The following KSR1 variants were observed in gnomAD, a reference collection of about 807,000 sequenced individuals.
KSR1 encodes kinase suppressor of ras.
KSR1 carries 35 observed loss-of-function variants against 92.9 expected under a neutral mutation model. The observed-to-expected ratio is 0.38, with a 90% confidence interval of 0.29 to 0.50. The LOEUF (loss-of-function observed/expected upper bound fraction) is 0.50. Among genes scored for constraint, KSR1 ranks in the 20% least tolerant of loss-of-function variants. KSR1 has a pLI of 0.94. For synonymous variants in KSR1, 467 were observed against 472.6 expected (o/e 0.99, Z 0.15); for missense variants, 972 against 1,158.5 (o/e 0.84, Z 2.34).
chr17:27,608,131 T>C, intron 15 of KSR1, 121 bp downstream of exon 15: 2 of 670,220 alleles, frequency 3.0e-6, no homozygotes, highest in Non-Finnish European at 5.4e-6. Flanking sequence ...TCCTTCTAGC[T>C]CAGGCTCCTC....
chr17:27,613,560 G>C (rs1413785152), intron 18 of KSR1, among the ~76,000 whole-genome samples: 7 of 152,162 alleles, frequency 4.6e-5, no homozygotes, highest in Non-Finnish European at 8.8e-5. Context: ...AGTGCATGTG[G>C]GTCTCCAGTC....
At chr17:27,600,301 G>A (rs2073509143) in intron 10 of KSR1, among the ~76,000 whole-genome samples, 1 of 151,998 alleles carries the variant, frequency 6.6e-6, no homozygotes, top group South Asian at 2.1e-4. Flanking sequence ...CAGGCATGGT[G>A]GTGGGCTGGG....
chr17:27,576,766 A>C (rs946553836), intron 2 of KSR1, among the ~76,000 whole-genome samples: 2 of 152,224 alleles, frequency 1.3e-5, no homozygotes, highest in African/African-American at 2.4e-5. Flanking sequence ...TTTTCCATTT[A>C]ATAGTTTTAG....
intron 1 of KSR1, among the ~76,000 whole-genome samples, chr17:27,541,654 T>A (rs926648948): frequency 6.6e-6 from 1 of 152,032 alleles, no homozygotes. Context: ...GTTGCAGGAG[T>A]CATTATTTTG....
intron 2 of KSR1, among the ~76,000 whole-genome samples, chr17:27,555,176 G>GT (rs1229024343): frequency 2.0e-5 from 3 of 152,086 alleles, no homozygotes; most frequent in Non-Finnish European, 4.4e-5. Context: ...ATTTCATGAC[G>GT]TTGACACTAC....
At chr17:27,469,191 C>G (rs928254235) in intron 1 of KSR1, among the ~76,000 whole-genome samples, 1 of 152,206 alleles carries the variant, frequency 6.6e-6, no homozygotes, top group African/African-American at 2.4e-5. Flanking sequence ...CGGCTCTTCT[C>G]TCGAGGCTCT....
At chr17:27,617,715 A>G in intron 19 of KSR1, 1 of 375,692 alleles carries the variant, frequency 2.7e-6, no homozygotes, top group South Asian at 2.3e-5. Context: ...TTTAGTAGAG[A>G]CGGGGTTTCA....
chr17:27,507,006 T>C (rs2069409845), intron 1 of KSR1, among the ~76,000 whole-genome samples: 1 of 152,222 alleles, frequency 6.6e-6, no homozygotes, highest in South Asian at 2.1e-4. Flanking sequence ...GAAATGTTCA[T>C]TCTGCTTTTT....
chr17:27,472,966 CCATGGCACCAT>C (rs1209389291), intron 1 of KSR1, among the ~76,000 whole-genome samples: 2 of 152,154 alleles, frequency 1.3e-5, no homozygotes, highest in Non-Finnish European at 2.9e-5. Flanking sequence ...GGCTGGAGTT[CCATGGCACCAT>C]CATGGCTCAC....
intron 2 of KSR1, among the ~76,000 whole-genome samples, chr17:27,554,343 C>T (rs2071512231): frequency 6.6e-6 from 1 of 152,206 alleles, no homozygotes; most frequent in Non-Finnish European, 1.5e-5. Context: ...GGACCCATCC[C>T]CCAGGCCACT....
At chr17:27,601,238 G>A (rs2073545533) in intron 10 of KSR1, 122 bp from the exon 11 acceptor site, 2 of 803,370 alleles carry the variant, frequency 2.5e-6, no homozygotes, top group Non-Finnish European at 4.1e-6. Context: ...AGGTCCATCT[G>A]GGGTAGGGCT....
Position 27,486,247 on chromosome 17 carries a change from A to G in KSR1, c.231+29373A>G, listed in dbSNP as rs1485324612. ...GATTTTCTTTAATGTAAACACACTG[A>G]CAAGGGTGGTATTTAACAACTGGAG... On this transcript the variant is annotated intron_variant, in intron 1 of 20. Coordinates refer to ENST00000644974, the MANE Select transcript of KSR1 (RefSeq NM_001394583.1). Among the ~76,000 whole-genome samples the G allele has an allele frequency of 4.6e-5, 7 of 152,338 alleles. No homozygotes were observed. The South Asian group carries it at 1.2e-3, about 27-fold the overall frequency.
At chr17:27,461,627 G>A (rs1179627816) in intron 1 of KSR1, among the ~76,000 whole-genome samples, 5 of 152,174 alleles carry the variant, frequency 3.3e-5, no homozygotes, top group Admixed American at 6.5e-5. Context: ...TTTTTCCCTG[G>A]TGAAACCTAC....
At chr17:27,583,388 G>T (rs1263924351) in intron 4 of KSR1, among the ~76,000 whole-genome samples, 1 of 152,222 alleles carries the variant, frequency 6.6e-6, no homozygotes, top group Non-Finnish European at 1.5e-5. Flanking sequence ...CAAATCACCA[G>T]GTCTTAAAGG....
intron 1 of KSR1, among the ~76,000 whole-genome samples, chr17:27,472,484 T>C (rs1447505866): frequency 7.9e-5 from 12 of 152,164 alleles, no homozygotes; most frequent in Admixed American, 7.9e-4. Context: ...GCACCTTGGG[T>C]TCCTTGCATG....
chr17:27,490,911 A>G (rs1347459058), intron 1 of KSR1, among the ~76,000 whole-genome samples: 3 of 152,196 alleles, frequency 2.0e-5, no homozygotes, highest in East Asian at 3.8e-4. Flanking sequence ...GGCTGAGTCA[A>G]TTTTGAACTT....
intron 14 of KSR1, among the ~76,000 whole-genome samples, chr17:27,607,101 A>C (rs1218325599): frequency 6.6e-6 from 1 of 152,156 alleles, no homozygotes; most frequent in Non-Finnish European, 1.5e-5. Context: ...CAAAGTGCTG[A>C]GATTACAGGC....
intron 1 of KSR1, among the ~76,000 whole-genome samples, chr17:27,510,631 T>C (rs1331886149): frequency 6.6e-6 from 1 of 152,152 alleles, no homozygotes; most frequent in Non-Finnish European, 1.5e-5. Context: ...GTCTGTGAAA[T>C]AGGGCATTTG....
chr17:27,604,915 C>T (rs866664163), intron 13 of KSR1, among the ~76,000 whole-genome samples, 187 bp downstream of exon 13: 3 of 152,208 alleles, frequency 2.0e-5, no homozygotes, highest in African/African-American at 4.8e-5. Flanking sequence ...CTTGTCCAAG[C>T]TCTGTCTTCC....
Sources: allele counts gnomAD v4.1 joint callset (sites outside exome capture counted in the v4.1 genomes callset), GRCh38; gene constraint gnomAD v4.1.1; transcripts MANE v1.5; gene names NCBI Gene and HGNC (gene_info 2026-07-23, HGNC 2026-07-21).